PDZRN3: variants seen among roughly 807,000 people sequenced by gnomAD.
PDZRN3 encodes the protein PDZ domain containing ring finger 3, also known as E3 ubiquitin-protein ligase PDZRN3.
In PDZRN3, 38 loss-of-function variants were observed where a neutral mutation model predicts 85.7. The observed-to-expected ratio is 0.44, with a 90% CI of 0.34 to 0.58. The LOEUF is 0.58. Ranked by LOEUF, PDZRN3 falls within the 20% of genes least tolerant of loss-of-function variation. The probability of loss-of-function intolerance (pLI) is 0.01; values close to 1 mark genes in which losing one functional copy is unlikely to be tolerated. For missense variants in PDZRN3, 1,629 were observed against 1,506.4 expected (o/e 1.08, Z -1.35); for synonymous variants, 759 against 638.0 (o/e 1.19, Z -2.86).
chr3:73,397,000 A>ACATCTGTTTT (rs1488803689), intron 5 of PDZRN3, among the ~76,000 whole-genome samples: 1 of 151,668 alleles, frequency 6.6e-6, no homozygotes, highest in Non-Finnish European at 1.5e-5. Context: ...AAAAGGGAGA[A>ACATCTGTTTT]CATCTGTTTT....
intron 3 of PDZRN3, among the ~76,000 whole-genome samples, chr3:73,528,927 C>A (rs1704589697): frequency 6.6e-6 from 1 of 151,062 alleles, no homozygotes; most frequent in South Asian, 2.1e-4. Context: ...CGCACATGCA[C>A]ACACAGAGCA....
chr3:73,562,176 CCT>C (rs1457597184), intron 3 of PDZRN3, among the ~76,000 whole-genome samples: 1 of 152,158 alleles, frequency 6.6e-6, no homozygotes, highest in Non-Finnish European at 1.5e-5. Flanking sequence ...TCTCTCCCTA[CCT>C]CTCTCTATTG....
At position 73,410,124 on chromosome 3, in the gene PDZRN3, T is replaced by C. The variant is rs4676921; in HGVS notation, c.919-5729A>G. 1.4e-3 allele frequency among the ~76,000 whole-genome samples: 208 copies of C among 152,286 alleles called. 1 individual carries two copies. The highest frequency in any genetic ancestry group is 8.9e-3 in the East Asian group (46 of 5,186). The stretch of plus-strand genomic sequence containing the variant: ...AAAACATAGAATTCACTGGAAGCAA[T>C]AGACGATAATACACTATATACTGAA... On this transcript the variant is annotated intron_variant, in intron 3 of 9. Transcript: ENST00000263666.
chr3:73,393,966 T>C (rs1354279156), intron 5 of PDZRN3, among the ~76,000 whole-genome samples: 1 of 152,196 alleles, frequency 6.6e-6, no homozygotes, highest in African/African-American at 2.4e-5. Context: ...TACAGAGTAG[T>C]TGACATTGTT....
At position 73,575,845 on chromosome 3, in the gene PDZRN3, G is replaced by T. The variant is rs147865645; in HGVS notation, c.918+26509C>A. 9.8e-3 allele frequency among the ~76,000 whole-genome samples: 1,494 copies of T among 152,200 alleles called. 12 individuals carry two copies. The highest frequency in any genetic ancestry group is 0.016 in the Non-Finnish European group (1,083 of 68,004). ...AATTTTTCCTATGATTCTTTATGGTGATCTAACCAATTTTTGCATATTACC... is the reference window on the plus strand; with the variant it reads ...AATTTTTCCTATGATTCTTTATGGTTATCTAACCAATTTTTGCATATTACC... On this transcript the variant is annotated intron_variant, in intron 3 of 9. Transcript: ENST00000263666.
chr3:73,511,006 T>G (rs1215065652), intron 3 of PDZRN3, among the ~76,000 whole-genome samples: 1 of 152,144 alleles, frequency 6.6e-6, no homozygotes, highest in Non-Finnish European at 1.5e-5. Context: ...ACTCTACAGT[T>G]CTGACATGAA....
rs114424829 is a variant in PDZRN3, at chr3:73,440,221, A to T, written c.919-35826T>A. Among the ~76,000 whole-genome samples the T allele has an allele frequency of 1.1e-3, 163 of 152,264 alleles. 1 individual carries two copies. Among genetic ancestry groups the T allele is most frequent in the Non-Finnish European group, 2.0e-3 (138 of 68,012 alleles). On this transcript the variant is annotated intron_variant, in intron 3 of 9. Transcript: ENST00000263666. ...TGCAAAAGTAATTGCGGTTTTTACAATAACATGGAGAGGAGGCACATGCTG... is the reference window on the plus strand; with the variant it reads ...TGCAAAAGTAATTGCGGTTTTTACATTAACATGGAGAGGAGGCACATGCTG...
At chr3:73,617,047 T>A (rs1473802747) in intron 1 of PDZRN3, among the ~76,000 whole-genome samples, 1 of 152,146 alleles carries the variant, frequency 6.6e-6, no homozygotes, top group Non-Finnish European at 1.5e-5. Context: ...ACTTCATCCC[T>A]CACCTATCCA....
chr3:73,444,621 G>C (rs1041710732), intron 3 of PDZRN3, among the ~76,000 whole-genome samples: 31 of 152,236 alleles, frequency 2.0e-4, no homozygotes, highest in Admixed American at 7.2e-4. Context: ...TCAAGCAGCT[G>C]ATGATGTCTC....
intron 3 of PDZRN3, among the ~76,000 whole-genome samples, chr3:73,502,522 T>C (rs945864816): frequency 1.3e-5 from 2 of 152,334 alleles, no homozygotes; most frequent in Admixed American, 1.3e-4. Flanking sequence ...TTAACATTTA[T>C]CTTTCTGAGT....
intron 4 of PDZRN3, among the ~76,000 whole-genome samples, chr3:73,401,438 G>C (rs537351544): frequency 6.6e-6 from 1 of 151,690 alleles, no homozygotes; most frequent in African/African-American, 2.4e-5. Flanking sequence ...TGGCCTCTGA[G>C]ATCAGTTCAA....
intron 3 of PDZRN3, among the ~76,000 whole-genome samples, chr3:73,508,076 C>G (rs556243391): frequency 6.6e-6 from 1 of 152,112 alleles, no homozygotes; most frequent in East Asian, 1.9e-4. Context: ...GCCTGGGTGA[C>G]TGAGACGGTC....
intron 3 of PDZRN3, among the ~76,000 whole-genome samples, chr3:73,563,011 ATATTTTTT>A (rs1315732121): frequency 1.1e-3 from 42 of 38,200 alleles, no homozygotes; most frequent in Admixed American, 2.2e-3. Context: ...ATATATATAT[ATATTTTTT>A]TTTTTTTTTT....
At chr3:73,570,450 T>C (rs535548276) in intron 3 of PDZRN3, among the ~76,000 whole-genome samples, 1 of 152,334 alleles carries the variant, frequency 6.6e-6, no homozygotes, top group East Asian at 1.9e-4. Flanking sequence ...TTTTTGGTGT[T>C]CTGCTATGTG....
At chr3:73,527,771 G>T (rs773346410) in intron 3 of PDZRN3, among the ~76,000 whole-genome samples, 1 of 152,036 alleles carries the variant, frequency 6.6e-6, no homozygotes, top group Non-Finnish European at 1.5e-5. Context: ...ATGTGGGCTC[G>T]GCATTGTTGA....
chr3:73,383,906 A>C lies in PDZRN3; in HGVS notation c.2660T>G (p.Ile887Ser). Residue 887 changes from isoleucine to serine, a missense_variant, in exon 10 of 10, where the codon ATC becomes AGC. By Grantham distance (142) the Ile-to-Ser change is moderately radical. Transcript: ENST00000263666. ...AQHYQSYMQLIQQKSAVEYAQ... is the reference protein window; with the variant it reads ...AQHYQSYMQLSQQKSAVEYAQ... ...GTACTCCACGGCCGACTTCTGCTGGATCAGCTGCATGTAGCTCTGGTAGTG... is the reference window on the plus strand; with the variant it reads ...GTACTCCACGGCCGACTTCTGCTGGCTCAGCTGCATGTAGCTCTGGTAGTG... 1 of 1,612,270 alleles carries C rather than the reference A, an allele frequency of 6.2e-7. No individual in the cohort carries two copies. Among genetic ancestry groups the C allele is most frequent in the Non-Finnish European group, 8.5e-7 (1 of 1,179,442 alleles).
intron 3 of PDZRN3, among the ~76,000 whole-genome samples, chr3:73,586,144 A>C (rs902390375): frequency 6.6e-6 from 1 of 152,188 alleles, no homozygotes; most frequent in African/African-American, 2.4e-5. Flanking sequence ...AAAAGAGCAA[A>C]ATCAGGGATT....
intron 3 of PDZRN3, among the ~76,000 whole-genome samples, chr3:73,422,006 T>C (rs1328561359): frequency 1.3e-5 from 2 of 152,212 alleles, no homozygotes; most frequent in African/African-American, 2.4e-5. Flanking sequence ...GGTCTTTATA[T>C]GATGTTTCTG....
At chr3:73,596,766 T>C (rs1257876398) in intron 3 of PDZRN3, among the ~76,000 whole-genome samples, 1 of 152,160 alleles carries the variant, frequency 6.6e-6, no homozygotes, top group Non-Finnish European at 1.5e-5. Context: ...TAAATAAATA[T>C]GAAAATGGAA....
Sources: allele counts gnomAD v4.1 joint callset (sites outside exome capture counted in the v4.1 genomes callset), GRCh38; gene constraint gnomAD v4.1.1; transcripts MANE v1.5; gene names NCBI Gene and HGNC (gene_info 2026-07-23, HGNC 2026-07-21).